The following LDLRAD4 variants were observed in gnomAD, a reference collection of about 807,000 sequenced individuals.
LDLRAD4 encodes the protein low-density lipoprotein receptor class A domain-containing protein 4.
A neutral mutation model predicts 17.0 loss-of-function variants in LDLRAD4; 5 were observed. That is an observed-to-expected ratio of 0.29 (90% CI 0.15 to 0.62). The LOEUF is 0.62. Ranked by LOEUF, LDLRAD4 falls within the 20% of genes least tolerant of loss-of-function variation. The pLI, the probability that LDLRAD4 is intolerant of heterozygous loss-of-function variation, is 0.84. For missense variants in LDLRAD4, 340 were observed against 424.7 expected (o/e 0.80, Z 1.75); for synonymous variants, 168 against 171.8 (o/e 0.98, Z 0.17).
chr18:13,393,626 C>A (rs77585996), intron 2 of LDLRAD4, among the ~76,000 whole-genome samples: 1 of 152,136 alleles, frequency 6.6e-6, no homozygotes, highest in Admixed American at 6.5e-5. Context: ...GTCATGAGAC[C>A]GTCTCCCTGC....
chr18:13,253,304 G>A (rs112338976), intron 1 of LDLRAD4, among the ~76,000 whole-genome samples: 15 of 152,314 alleles, frequency 9.8e-5, no homozygotes, highest in African/African-American at 3.4e-4. Flanking sequence ...GCTGTGGTGG[G>A]GAAGCTGGGC....
chr18:13,343,728 A>C (rs1369812358), intron 1 of LDLRAD4, among the ~76,000 whole-genome samples: 2 of 152,144 alleles, frequency 1.3e-5, no homozygotes, highest in East Asian at 3.9e-4. Flanking sequence ...GTTTCTCTAC[A>C]TCCTCTCCAG....
intron 1 of LDLRAD4, among the ~76,000 whole-genome samples, chr18:13,290,319 T>G (rs1032828172): frequency 6.6e-6 from 1 of 152,238 alleles, no homozygotes; most frequent in Non-Finnish European, 1.5e-5. Flanking sequence ...ATGTTTGGCT[T>G]GCAGATAGTT....
At chr18:13,570,392 G>A (rs1302168800) in intron 3 of LDLRAD4, among the ~76,000 whole-genome samples, 1 of 152,248 alleles carries the variant, frequency 6.6e-6, no homozygotes, top group Non-Finnish European at 1.5e-5. Context: ...GGTCCACACA[G>A]GCAGTTATCA....
At chr18:13,259,514 T>C (rs527331823) in intron 1 of LDLRAD4, among the ~76,000 whole-genome samples, 1 of 152,326 alleles carries the variant, frequency 6.6e-6, no homozygotes, top group Non-Finnish European at 1.5e-5. Flanking sequence ...AGATGAGTTT[T>C]AGTGCTAAAA....
At chr18:13,627,675 G>A (rs1295058256) in intron 4 of LDLRAD4, among the ~76,000 whole-genome samples, 3 of 152,216 alleles carry the variant, frequency 2.0e-5, no homozygotes, top group Non-Finnish European at 4.4e-5. Context: ...CCTGTGCCCA[G>A]CCTGACATGG....
At chr18:13,366,414 C>G (rs2084058371) in intron 1 of LDLRAD4, among the ~76,000 whole-genome samples, 1 of 152,184 alleles carries the variant, frequency 6.6e-6, no homozygotes, top group African/African-American at 2.4e-5. Flanking sequence ...CCAAAGACCA[C>G]TAACAGGATG....
chr18:13,402,846 A>G (rs2087355186), intron 2 of LDLRAD4, among the ~76,000 whole-genome samples: 2 of 152,214 alleles, frequency 1.3e-5, no homozygotes, highest in African/African-American at 4.8e-5. Context: ...GGTAAAGGTG[A>G]TGAAAAACAT....
intron 1 of LDLRAD4, among the ~76,000 whole-genome samples, chr18:13,321,421 A>G (rs980872271): frequency 2.0e-5 from 3 of 152,148 alleles, no homozygotes; most frequent in Non-Finnish European, 4.4e-5. Context: ...TTCGGGACTC[A>G]TTCATCTCCC....
chr18:13,364,091 A>G (rs911572629), intron 1 of LDLRAD4, among the ~76,000 whole-genome samples: 2 of 152,226 alleles, frequency 1.3e-5, no homozygotes, highest in East Asian at 3.8e-4. Flanking sequence ...AAGTTTTAAT[A>G]TATATTAAGT....
At chr18:13,401,241 G>A (rs2145512435) in intron 2 of LDLRAD4, among the ~76,000 whole-genome samples, 1 of 152,288 alleles carries the variant, frequency 6.6e-6, no homozygotes, top group South Asian at 2.1e-4. Flanking sequence ...AGACAGGCAG[G>A]TGGGCAGTCA....
chr18:13,309,012 C>A lies in LDLRAD4; in HGVS notation c.-383+30824C>A, dbSNP rs143889974. 3.5e-3 allele frequency among the ~76,000 whole-genome samples: 532 copies of A among 152,304 alleles called. 4 individuals carry two copies. The highest frequency in any genetic ancestry group is 0.011 in the African/African-American group (469 of 41,548). The stretch of plus-strand genomic sequence containing the variant: ...CTTTGCTTTGGTCCTGTCTTCTTGA[C>A]TTTATTTAAAATAGTAAGATATTCT... On this transcript the variant is annotated intron_variant, in intron 1 of 5. Transcript: ENST00000359446.
At chr18:13,345,050 A>T (rs893702654) in intron 1 of LDLRAD4, among the ~76,000 whole-genome samples, 4 of 152,024 alleles carry the variant, frequency 2.6e-5, no homozygotes, top group East Asian at 1.9e-4. Flanking sequence ...GACTTCCTCT[A>T]TTCCTAATTG....
chr18:13,611,886 C>T (rs1351125143), intron 3 of LDLRAD4: 1 of 985,252 alleles, frequency 1.0e-6, no homozygotes, highest in African/African-American at 1.7e-5. Flanking sequence ...GGGAGCTGCT[C>T]CCATCAGTTA....
chr18:13,303,864 G>A (rs2046751623), intron 1 of LDLRAD4, among the ~76,000 whole-genome samples: 1 of 152,186 alleles, frequency 6.6e-6, no homozygotes, highest in South Asian at 2.1e-4. Flanking sequence ...GGGCTAAGGA[G>A]ATCCTAGCTG....
At chr18:13,346,972 C>T (rs959436927) in intron 1 of LDLRAD4, among the ~76,000 whole-genome samples, 31 of 152,184 alleles carry the variant, frequency 2.0e-4, no homozygotes, top group Admixed American at 3.3e-4. Flanking sequence ...TGTCTCTACA[C>T]GTGAGATGGG....
intron 1 of LDLRAD4, among the ~76,000 whole-genome samples, chr18:13,298,562 C>T (rs112268632): frequency 0.016 from 2,151 of 137,900 alleles, 21 homozygotes; most frequent in East Asian, 0.025. Context: ...GCTCTGGGCA[C>T]GGTGATGGAG....
intron 1 of LDLRAD4, among the ~76,000 whole-genome samples, chr18:13,359,046 C>T (rs1391242028): frequency 1.3e-5 from 2 of 152,190 alleles, no homozygotes; most frequent in Non-Finnish European, 2.9e-5. Flanking sequence ...AGAATCCCAC[C>T]CCTGGCTTTT....
chr18:13,409,838 A>G (rs971772784), intron 2 of LDLRAD4, among the ~76,000 whole-genome samples: 3 of 152,240 alleles, frequency 2.0e-5, no homozygotes, highest in Non-Finnish European at 4.4e-5. Context: ...AAGGAGAAAC[A>G]AGATATTTGA....
Sources: gnomAD v4.1 joint callset for allele counts (sites outside exome capture counted in the v4.1 genomes callset) on GRCh38, gnomAD v4.1.1 for gene constraint, MANE v1.5 for transcripts, NCBI Gene and HGNC (gene_info 2026-07-23, HGNC 2026-07-21) for gene names.